SULF1: variants seen among roughly 807,000 people sequenced by gnomAD.
SULF1 encodes extracellular sulfatase Sulf-1.
SULF1 carries 46 observed loss-of-function variants against 110.5 expected under a neutral mutation model. The observed-to-expected ratio is 0.42, with a 90% CI of 0.33 to 0.53. The LOEUF (loss-of-function observed/expected upper bound fraction) is 0.53, where lower values mean the gene tolerates loss of function less well. Among genes scored for constraint, SULF1 ranks in the 20% least tolerant of loss-of-function variants. The pLI, the probability that SULF1 is intolerant of heterozygous loss-of-function variation, is 0.12. For synonymous variants in SULF1, 371 were observed against 387.1 expected (o/e 0.96, Z 0.49); for missense variants, 941 against 1,094.2 (o/e 0.86, Z 1.98).
intron 3 of SULF1, among the ~76,000 whole-genome samples, chr8:69,530,921 C>G (rs543285626): frequency 6.6e-6 from 1 of 152,322 alleles, no homozygotes; most frequent in South Asian, 2.1e-4. Context: ...TAAACAGGTA[C>G]TTATTGAGGA....
chr8:69,597,945 T>G (rs546798349), intron 8 of SULF1, among the ~76,000 whole-genome samples: 126 of 152,264 alleles, frequency 8.3e-4, no homozygotes, highest in African/African-American at 2.9e-3. Context: ...AAAAAACCCT[T>G]TTTGAGGGGA....
intron 8 of SULF1, 47 bp from the exon 9 acceptor site, chr8:69,600,556 G>A: frequency 6.6e-7 from 1 of 1,512,546 alleles, no homozygotes; most frequent in Non-Finnish European, 8.9e-7. Context: ...TTTCCTAAAA[G>A]ACTAAGTAAG....
intron 5 of SULF1, among the ~76,000 whole-genome samples, chr8:69,568,595 A>G (rs1804980125): frequency 1.3e-5 from 2 of 152,214 alleles, no homozygotes; most frequent in African/African-American, 2.4e-5. Flanking sequence ...TCATCCCAGG[A>G]GGAAACAGCC....
chr8:69,577,219 C>T (rs1805674551), intron 6 of SULF1, among the ~76,000 whole-genome samples: 1 of 152,220 alleles, frequency 6.6e-6, no homozygotes, highest in African/African-American at 2.4e-5. Flanking sequence ...GTAGAGGTTA[C>T]AGAGAGTGCC....
chr8:69,625,623 C>T (rs1809943057), intron 15 of SULF1, among the ~76,000 whole-genome samples: 1 of 152,086 alleles, frequency 6.6e-6, no homozygotes, highest in Non-Finnish European at 1.5e-5. Flanking sequence ...TGGAGTTGTT[C>T]GTTCCTCCCA....
intron 3 of SULF1, among the ~76,000 whole-genome samples, chr8:69,517,371 A>G (rs372294046): frequency 3.9e-5 from 6 of 152,356 alleles, no homozygotes; most frequent in African/African-American, 1.4e-4. Context: ...TTTTGAATTT[A>G]AGCCATAGCA....
At chr8:69,561,443 A>G (rs1346418967) in intron 3 of SULF1, among the ~76,000 whole-genome samples, 1 of 152,196 alleles carries the variant, frequency 6.6e-6, no homozygotes, top group Non-Finnish European at 1.5e-5. Flanking sequence ...ATTAAAGCTA[A>G]TTTGCTTTTT....
At chr8:69,583,186 A>G (rs1383092795) in intron 6 of SULF1, among the ~76,000 whole-genome samples, 4 of 152,220 alleles carry the variant, frequency 2.6e-5, no homozygotes, top group Non-Finnish European at 5.9e-5. Context: ...TCTTTTAAAA[A>G]TAATATAATA....
chr8:69,518,987 C>A (rs1812112962), intron 3 of SULF1, among the ~76,000 whole-genome samples: 1 of 152,182 alleles, frequency 6.6e-6, no homozygotes, highest in Non-Finnish European at 1.5e-5. Context: ...CTTAGATTCT[C>A]CTCTCTGTGC....
At chr8:69,611,215 A>G (rs1318314937) in intron 13 of SULF1, among the ~76,000 whole-genome samples, 2 of 152,248 alleles carry the variant, frequency 1.3e-5, no homozygotes, top group Non-Finnish European at 2.9e-5. Flanking sequence ...TGTATCAAGC[A>G]TCTGGGACAA....
chr8:69,604,903 T>C lies in SULF1; in HGVS notation c.1348T>C (p.Tyr450His). The C allele has an allele frequency of 6.2e-7, 1 of 1,614,236 alleles. No individual in the cohort carries two copies. Among genetic ancestry groups the C allele is most frequent in the Non-Finnish European group, 8.5e-7 (1 of 1,180,042 alleles). Residue 450 changes from tyrosine to histidine, a missense_variant, in exon 13 of 23, where the codon TAC becomes CAC. Physicochemically the swap from Tyr to His is moderately conservative, Grantham distance 83. Transcript: ENST00000402687. Reference sequence around the variant, plus strand: ...CAAAGAACTATGCCAGCAGGCCAGGTACCAGACAGCCTGTGAACAACCGGG... The same window carrying C: ...CAAAGAACTATGCCAGCAGGCCAGGCACCAGACAGCCTGTGAACAACCGGG... ...RVKELCQQARYQTACEQPGQK... is the reference protein window; with the variant it reads ...RVKELCQQARHQTACEQPGQK...
At chr8:69,476,740 T>C (rs1489504892) in intron 1 of SULF1, among the ~76,000 whole-genome samples, 1 of 152,200 alleles carries the variant, frequency 6.6e-6, no homozygotes, top group Non-Finnish European at 1.5e-5. Context: ...TATTTCTCAC[T>C]CAGGGTTGCC....
intron 13 of SULF1, 96 bp from the exon 14 acceptor site, chr8:69,620,939 T>TA (rs924502769): frequency 9.8e-5 from 103 of 1,055,674 alleles, no homozygotes; most frequent in African/African-American, 3.0e-4. Flanking sequence ...CCAGTGCTTC[T>TA]AAAAAAAAGA....
At chr8:69,545,227 C>T (rs1163338831) in intron 3 of SULF1, among the ~76,000 whole-genome samples, 2 of 151,894 alleles carry the variant, frequency 1.3e-5, no homozygotes, top group Admixed American at 6.6e-5. Context: ...CCACTTACCT[C>T]TATCAATTTC....
chr8:69,628,327 G>A, intron 18 of SULF1, 91 bp downstream of exon 18: 1 of 1,075,704 alleles, frequency 9.3e-7, no homozygotes, highest in South Asian at 1.3e-5. Context: ...TGTGTTTCCT[G>A]CAGTGCCGCT....
intron 22 of SULF1, among the ~76,000 whole-genome samples, chr8:69,652,439 T>C (rs1812414647): frequency 6.6e-6 from 1 of 152,244 alleles, no homozygotes; most frequent in African/African-American, 2.4e-5. Context: ...AACAGTCTAT[T>C]AGTATTCTCT....
intron 6 of SULF1, among the ~76,000 whole-genome samples, chr8:69,585,913 A>G (rs996304708): frequency 6.6e-6 from 1 of 152,240 alleles, no homozygotes; most frequent in African/African-American, 2.4e-5. Flanking sequence ...TAGTGTTTTT[A>G]TAATTCACAA....
rs577539672 is a variant in SULF1, at chr8:69,522,055, AT to A, written c.-134+20100del. Among the ~76,000 whole-genome samples the A allele has an allele frequency of 9.3e-3, 1,333 of 143,800 alleles. 5 individuals carry two copies. The highest frequency in any genetic ancestry group is 0.021 in the Middle Eastern group (6 of 284). 94.3% of individuals were successfully genotyped at this position (143,800 alleles called of 152,430 possible). A position where few individuals can be genotyped will look rare whatever the true frequency, so the allele number is the denominator to read the frequency against. ...GAGAGAGAGAGATGGATCATGGACG[AT>A]TTTTTTTTTTTTGAGACAGCATCTT... On this transcript the variant is annotated intron_variant, in intron 3 of 22. Coordinates refer to ENST00000402687, the MANE Select transcript of SULF1 (RefSeq NM_001128205.2).
At chr8:69,533,729 T>C (rs1813256560) in intron 3 of SULF1, among the ~76,000 whole-genome samples, 1 of 152,206 alleles carries the variant, frequency 6.6e-6, no homozygotes, top group Non-Finnish European at 1.5e-5. Flanking sequence ...TGTATGTATC[T>C]ATTGTAGATA....
Sources: gnomAD v4.1 joint callset for allele counts (sites outside exome capture counted in the v4.1 genomes callset) on GRCh38, gnomAD v4.1.1 for gene constraint, MANE v1.5 for transcripts, NCBI Gene and HGNC (gene_info 2026-07-23, HGNC 2026-07-21) for gene names.